KCNH5: variants seen among roughly 807,000 people sequenced by gnomAD.
KCNH5 encodes voltage-gated delayed rectifier potassium channel KCNH5.
KCNH5 carries 46 observed loss-of-function variants against 96.1 expected under a neutral mutation model. That is an observed-to-expected ratio of 0.48 (90% CI 0.38 to 0.61). The LOEUF (loss-of-function observed/expected upper bound fraction) is 0.61, where lower values mean the gene tolerates loss of function less well. Among genes scored for constraint, KCNH5 ranks in the 20% least tolerant of loss-of-function variants. The pLI, the probability that KCNH5 is intolerant of heterozygous loss-of-function variation, is 0.00. For missense variants in KCNH5, 907 were observed against 1,225.8 expected (o/e 0.74, Z 3.88); for synonymous variants, 439 against 449.8 (o/e 0.98, Z 0.30).
intron 8 of KCNH5, among the ~76,000 whole-genome samples, chr14:62,847,852 T>A (rs1289522238): frequency 6.6e-6 from 1 of 152,208 alleles, no homozygotes; most frequent in Non-Finnish European, 1.5e-5. Flanking sequence ...CCCAGAAATT[T>A]TTCCCTGCCA....
chr14:62,791,529 A>G (rs1886434730), intron 9 of KCNH5, among the ~76,000 whole-genome samples: 2 of 151,734 alleles, frequency 1.3e-5, no homozygotes, highest in South Asian at 4.1e-4. Flanking sequence ...TCTACCTATA[A>G]GAACTATTTT....
chr14:62,824,703 G>A (rs150614197), intron 8 of KCNH5, among the ~76,000 whole-genome samples: 1 of 152,050 alleles, frequency 6.6e-6, no homozygotes, highest in East Asian at 1.9e-4. Flanking sequence ...TTCAGTAAAC[G>A]AATGATCTTG....
At chr14:62,999,710 T>A in intron 4 of KCNH5, among the ~76,000 whole-genome samples, 1 of 92,016 alleles carries the variant, frequency 1.1e-5, no homozygotes, top group South Asian at 4.4e-4. Context: ...CTGGGGACTG[T>A]TGTGGGGTGG....
intron 7 of KCNH5, among the ~76,000 whole-genome samples, chr14:62,909,190 C>T (rs12878749): frequency 0.54 from 79,233 of 146,704 alleles, 22,094 homozygotes; most frequent in South Asian, 0.67. Flanking sequence ...GGACTACAGG[C>T]GCCCGCCACT....
At chr14:62,759,573 A>ATATATATATATATATTTTTT (rs1171935428) in intron 10 of KCNH5, among the ~76,000 whole-genome samples, 6 of 151,082 alleles carry the variant, frequency 4.0e-5, no homozygotes, top group Non-Finnish European at 5.9e-5. Flanking sequence ...CGTAGGGTAT[A>ATATATATATATATATTTTTT]TTTTTTAATA....
chr14:62,860,818 C>T (rs1483939381), intron 7 of KCNH5, among the ~76,000 whole-genome samples: 2 of 152,188 alleles, frequency 1.3e-5, no homozygotes, highest in Non-Finnish European at 2.9e-5. Flanking sequence ...GGGGAGCTGT[C>T]TTAGGCACTA....
chr14:62,831,888 T>C (rs1222992801), intron 8 of KCNH5, among the ~76,000 whole-genome samples: 1 of 152,036 alleles, frequency 6.6e-6, no homozygotes, highest in African/African-American at 2.4e-5. Context: ...TTTTTTCTTA[T>C]TTTTTGTAGA....
intron 7 of KCNH5, among the ~76,000 whole-genome samples, chr14:62,910,352 T>C (rs1381019960): frequency 6.6e-6 from 1 of 152,144 alleles, no homozygotes; most frequent in African/African-American, 2.4e-5. Flanking sequence ...TACTAGTACA[T>C]ATTTTACGGG....
chr14:62,986,150 CA>C (rs1890703137), intron 5 of KCNH5, among the ~76,000 whole-genome samples: 1 of 152,170 alleles, frequency 6.6e-6, no homozygotes, highest in Non-Finnish European at 1.5e-5. Context: ...CCTACCTCCC[CA>C]TTCTCCACAG....
At chr14:62,913,766 A>G (rs1232651300) in intron 7 of KCNH5, among the ~76,000 whole-genome samples, 1 of 152,196 alleles carries the variant, frequency 6.6e-6, no homozygotes, top group Non-Finnish European at 1.5e-5. Context: ...AGCTAAAATC[A>G]CAGAGTTTAT....
intron 1 of KCNH5, among the ~76,000 whole-genome samples, chr14:63,018,080 T>C (rs1054132283): frequency 6.6e-6 from 1 of 151,800 alleles, no homozygotes; most frequent in Non-Finnish European, 1.5e-5. Context: ...TAAAGAAGCA[T>C]GGGACAAAAT....
At chr14:62,834,299 TG>T in intron 8 of KCNH5, among the ~76,000 whole-genome samples, 1 of 152,156 alleles carries the variant, frequency 6.6e-6, no homozygotes, top group South Asian at 2.1e-4. Context: ...GCCTTATTAA[TG>T]GCTCCAAATT....
intron 7 of KCNH5, among the ~76,000 whole-genome samples, chr14:62,943,577 T>A (rs968399598): frequency 6.6e-6 from 1 of 152,140 alleles, no homozygotes; most frequent in African/African-American, 2.4e-5. Context: ...TAAATACACA[T>A]ACACACACAC....
chr14:62,860,146 T>C (rs553345425), intron 7 of KCNH5, among the ~76,000 whole-genome samples: 3 of 152,160 alleles, frequency 2.0e-5, no homozygotes, highest in Non-Finnish European at 4.4e-5. Context: ...AAATGTTCAG[T>C]TTCCACCAAA....
chr14:63,038,436 T>C (rs1054427884), intron 1 of KCNH5, among the ~76,000 whole-genome samples: 7 of 152,180 alleles, frequency 4.6e-5, no homozygotes, highest in Admixed American at 1.3e-4. Context: ...TCAAATTGCG[T>C]ATCTTTTGAG....
chr14:62,772,076 A>C (rs1422847957), intron 10 of KCNH5, among the ~76,000 whole-genome samples: 1 of 152,090 alleles, frequency 6.6e-6, no homozygotes, highest in Non-Finnish European at 1.5e-5. Flanking sequence ...CTGCATAGTA[A>C]TCTTCTGTTA....
intron 8 of KCNH5, among the ~76,000 whole-genome samples, chr14:62,816,348 GTGTA>G: frequency 6.6e-6 from 1 of 151,964 alleles, no homozygotes; most frequent in East Asian, 1.9e-4. Flanking sequence ...ATATATATCA[GTGTA>G]TGTATGTGTA....
intron 1 of KCNH5, among the ~76,000 whole-genome samples, chr14:63,029,843 C>A (rs958316977): frequency 6.6e-6 from 1 of 151,688 alleles, no homozygotes; most frequent in Admixed American, 6.6e-5. Context: ...CTTATTACAA[C>A]AAATGAAAAA....
Position 63,012,025 on chromosome 14 carries a change from T to C in KCNH5, c.197+4806A>G, listed in dbSNP as rs141086618. On this transcript the variant is annotated intron_variant, in intron 2 of 10. Coordinates refer to ENST00000322893, the MANE Select transcript of KCNH5 (RefSeq NM_139318.5). ...CCTGATTGTTCTTCTCACCCCTCTA[T>C]CCAAAACAAAAACAAAAAATGACAG... 1.3e-3 allele frequency among the ~76,000 whole-genome samples: 197 copies of C among 152,120 alleles called. 1 individual carries two copies. The highest frequency in any genetic ancestry group is 4.7e-3 in the African/African-American group (194 of 41,488).
Sources: allele counts gnomAD v4.1 joint callset (sites outside exome capture counted in the v4.1 genomes callset), GRCh38; gene constraint gnomAD v4.1.1; transcripts MANE v1.5; gene names NCBI Gene and HGNC (gene_info 2026-07-23, HGNC 2026-07-21).